Variants in SYNE2 observed in about 807,000 individuals in gnomAD.
SYNE2 encodes the protein spectrin repeat containing nuclear envelope protein 2.
In SYNE2, 431 loss-of-function variants were observed where a neutral mutation model predicts 856.3. The ratio of observed to expected loss-of-function variants is 0.50; its 90% CI spans 0.47 to 0.55. The LOEUF is 0.55. Ranked by LOEUF, SYNE2 falls within the 20% of genes least tolerant of loss-of-function variation. SYNE2 has a pLI of 0.00. For synonymous variants in SYNE2, 2,923 were observed against 2,872.3 expected (o/e 1.02, Z -0.56); for missense variants, 8,129 against 8,023.2 (o/e 1.01, Z -0.50).
chr14:63,925,450 A>G (rs561429658), intron 2 of SYNE2, among the ~76,000 whole-genome samples: 1 of 152,240 alleles, frequency 6.6e-6, no homozygotes, highest in Non-Finnish European at 1.5e-5. Context: ...CATGCAATGC[A>G]TAATAATCAT....
chr14:63,945,633 G>GT (rs1311249578), intron 6 of SYNE2, among the ~76,000 whole-genome samples: 1 of 151,812 alleles, frequency 6.6e-6, no homozygotes, highest in African/African-American at 2.4e-5. Flanking sequence ...GTTCTGTTTT[G>GT]TTTTTTTGAG....
intron 2 of SYNE2, among the ~76,000 whole-genome samples, chr14:63,930,871 G>A (rs1342111867): frequency 1.3e-5 from 2 of 152,158 alleles, no homozygotes; most frequent in Non-Finnish European, 2.9e-5. Context: ...CTTGAGTTCT[G>A]TGAGAGCCAT....
chr14:63,941,997 A>G (rs763919802), intron 5 of SYNE2, 35 bp downstream of exon 5: 5 of 1,601,262 alleles, frequency 3.1e-6, no homozygotes, highest in East Asian at 4.5e-5. Context: ...TTCACAGGAG[A>G]GATTAATGCT....
chr14:64,052,633 T>G lies in SYNE2; in HGVS notation c.8720T>G (p.Val2907Gly). Residue 2907 changes from valine to glycine, a missense_variant, in exon 48 of 116, where the codon GTG (valine) becomes GGG (glycine). Val to Gly is a moderately radical substitution (Grantham distance 109). Coordinates refer to ENST00000555002, the MANE Select transcript of SYNE2 (RefSeq NM_182914.3). Reference sequence around the variant, plus strand: ...ACAAACATCTATGAGGAGCTGAATGTGTTTGAAAGATTATTTCTGGAAGAT... The same window carrying G: ...ACAAACATCTATGAGGAGCTGAATGGGTTTGAAAGATTATTTCTGGAAGAT... ...ELTNIYEELN[V>G]FERLFLEDQL... The G allele has an allele frequency of 1.2e-6, 2 of 1,614,074 alleles. No homozygotes were observed. Among genetic ancestry groups the G allele is most frequent in the Non-Finnish European group, 1.7e-6 (2 of 1,180,004 alleles).
chr14:64,218,363 C>G, intron 108 of SYNE2, 35 bp from the exon 109 acceptor site: 2 of 1,579,572 alleles, frequency 1.3e-6, no homozygotes, highest in Non-Finnish European at 1.7e-6. Context: ...TCCTTCATAT[C>G]TACAGATGGT....
chr14:63,929,513 A>G (rs533847389), intron 2 of SYNE2, among the ~76,000 whole-genome samples: 324 of 152,260 alleles, frequency 2.1e-3, no homozygotes, highest in Non-Finnish European at 3.9e-3. Flanking sequence ...GCTCATGCCT[A>G]TAATCCCAGC....
chr14:64,093,461 A>C lies in SYNE2; in HGVS notation c.12089A>C (p.Asp4030Ala), dbSNP rs138597616. 8.1e-6 allele frequency: 13 copies of C among 1,614,066 alleles called. No individual in the cohort carries two copies. Among genetic ancestry groups the C allele is most frequent in the Non-Finnish European group, 1.1e-5 (13 of 1,180,028 alleles). ...SLEHMSPDQA[D>A]KLPQLQGEIE... is the part of the protein sequence containing the mutation. ...GAACATATGTCACCAGACCAAGCTG[A>C]CAAGCTGCCACAACTACAGGTATGT... The change falls in exon 61 of 116, where the codon GAC becomes GCC. Residue 4030 changes from aspartate (D) to alanine (A), a missense_variant. This residue lies in a region of SYNE2 where 5,410 missense variants were observed against 5,284.8 expected (regional missense o/e 1.02). Coordinates refer to ENST00000555002, the MANE Select transcript of SYNE2 (RefSeq NM_182914.3).
At chr14:64,188,476 G>GT (rs2098502508) in intron 97 of SYNE2, 74 bp from the exon 98 acceptor site, 9 of 1,570,976 alleles carry the variant, frequency 5.7e-6, no homozygotes, top group African/African-American at 1.3e-5. Flanking sequence ...ATGAAACTCA[G>GT]TTTTTTTGAG....
Position 64,003,190 on chromosome 14 carries a change from G to A in SYNE2, c.4257G>A (p.Gln1419=). The change falls in exon 30 of 116, where the codon CAG becomes CAA. Residue 1419 remains glutamine, a synonymous_variant. Coordinates refer to ENST00000555002, the MANE Select transcript of SYNE2 (RefSeq NM_182914.3). ...CTGAGACACATGGCTATGGGGTACA[G>A]GAGGAATTCACTGAGGAAAACAAAT... ...KLSETHGYGV[Q]EEFTEENKLL... The A allele has an allele frequency of 6.2e-7, 1 of 1,614,112 alleles. No homozygotes were observed. The highest frequency in any genetic ancestry group is 8.5e-7 in the Non-Finnish European group (1 of 1,180,020).
At chr14:64,142,947 G>T (rs1459250403) in intron 82 of SYNE2, among the ~76,000 whole-genome samples, 1 of 152,238 alleles carries the variant, frequency 6.6e-6, no homozygotes, top group Non-Finnish European at 1.5e-5. Flanking sequence ...GACAAGTGTG[G>T]TCATTGCTTT....
At chr14:63,964,035 C>A (rs776128608) in intron 10 of SYNE2, 35 bp downstream of exon 10, 5 of 1,311,560 alleles carry the variant, frequency 3.8e-6, no homozygotes, top group East Asian at 2.4e-5. Context: ...TTGTAATTTA[C>A]CTTTTAAGAG....
intron 1 of SYNE2, among the ~76,000 whole-genome samples, chr14:63,823,177 C>A (rs1889289012): frequency 6.6e-6 from 1 of 151,548 alleles, no homozygotes; most frequent in African/African-American, 2.4e-5. Context: ...TGAAGTCTAC[C>A]AAATCTTTTT....
At chr14:64,064,593 A>G (rs984825049) in intron 50 of SYNE2, among the ~76,000 whole-genome samples, 2 of 128,654 alleles carry the variant, frequency 1.6e-5, no homozygotes, top group Non-Finnish European at 3.1e-5. Flanking sequence ...TTGTTCTGTC[A>G]CCCAGGCTGG....
In SYNE2 at chr14:63,929,453, G is replaced by A. The variant is rs118139546; in HGVS notation, c.80-11161G>A. On this transcript the variant is annotated intron_variant, in intron 2 of 115. Transcript: ENST00000555002. ...ATGATAAAGAGTAATTGGATGGAGG[G>A]TATTTTGGATAATGTGTCTGAAAAA... Among the ~76,000 whole-genome samples the A allele has an allele frequency of 1.0e-3, 155 of 152,256 alleles. 2 individuals are homozygous for A. The East Asian group carries it at 0.015, about 14-fold the overall frequency.
intron 1 of SYNE2, among the ~76,000 whole-genome samples, chr14:63,794,725 A>G (rs931368788): frequency 5.9e-5 from 9 of 152,216 alleles, no homozygotes; most frequent in African/African-American, 2.2e-4. Flanking sequence ...CTACACACTC[A>G]CTGAAATGTG....
chr14:63,789,351 T>C (rs1887649872), intron 1 of SYNE2, among the ~76,000 whole-genome samples: 2 of 152,250 alleles, frequency 1.3e-5, no homozygotes, highest in African/African-American at 2.4e-5. Flanking sequence ...TTTTTGGTTA[T>C]ATTTTTGTTT....
intron 99 of SYNE2, among the ~76,000 whole-genome samples, chr14:64,197,974 T>C (rs986797280): frequency 6.6e-6 from 1 of 152,234 alleles, no homozygotes; most frequent in Non-Finnish European, 1.5e-5. Flanking sequence ...TTTTGTTTGG[T>C]TTCATAGAAA....
intron 6 of SYNE2, among the ~76,000 whole-genome samples, chr14:63,943,736 T>C (rs953789673): frequency 4.6e-5 from 7 of 151,962 alleles, no homozygotes; most frequent in South Asian, 2.1e-4. Context: ...AGTGGCACGA[T>C]CTCGGCTCAC....
chr14:64,005,949 A>G lies in SYNE2; in HGVS notation c.4398-1094A>G, dbSNP rs147868753. Among the ~76,000 whole-genome samples, 271 of 152,344 alleles carry G rather than the reference A, an allele frequency of 1.8e-3. 1 individual carries two copies. Among genetic ancestry groups the G allele is most frequent in the East Asian group, 0.018 (92 of 5,188 alleles). On this transcript the variant is annotated intron_variant, in intron 30 of 115. Transcript: ENST00000555002. The stretch of plus-strand genomic sequence containing the variant: ...AAACTGAGAAGGGAGAGGCCAGTAC[A>G]GTAGGATGAAAATCAAGAGACTTCT...
Sources: gnomAD v4.1 joint callset for allele counts (sites outside exome capture counted in the v4.1 genomes callset) on GRCh38, gnomAD v4.1.1 for gene constraint, gnomAD v4.1.1 regional missense constraint, MANE v1.5 for transcripts, NCBI Gene and HGNC (gene_info 2026-07-23, HGNC 2026-07-21) for gene names.